The following GLI3 variants were observed in gnomAD, a reference collection of about 807,000 sequenced individuals.
The protein encoded by GLI3 is GLI family zinc finger 3.
GLI3 carries 20 observed loss-of-function variants against 100.8 expected under a neutral mutation model. The ratio of observed to expected loss-of-function variants is 0.20; its 90% CI spans 0.14 to 0.29. The LOEUF is 0.29. Among genes scored for constraint, GLI3 ranks in the 10% least tolerant of loss-of-function variants. The pLI, the probability that GLI3 is intolerant of heterozygous loss-of-function variation, is 1.00. For missense variants in GLI3, 2,040 were observed against 2,128.5 expected, an observed-to-expected ratio of 0.96 and a Z score of 0.82; for synonymous variants, 938 against 860.5, an observed-to-expected ratio of 1.09 and a Z score of -1.58.
rs370794111 is a variant in GLI3 at position 42,026,282 on chromosome 7, A to G, written c.1159T>C (p.Phe387Leu). The G allele has an allele frequency of 8.7e-6, 14 of 1,613,928 alleles. No homozygotes were observed. Among genetic ancestry groups the G allele is most frequent in the Non-Finnish European group, 1.2e-5 (14 of 1,179,992 alleles). Residue 387 changes from phenylalanine to leucine, a missense_variant, in exon 8 of 15, where the codon TTT (phenylalanine) becomes CTT (leucine). Phe to Leu is a conservative substitution (Grantham distance 22). Coordinates refer to ENST00000395925, the MANE Select transcript of GLI3 (RefSeq NM_000168.6). ...CCTGGAATAGGCCTCTGTGTTGGAA[A>G]AGTTGGGGCAGGGTGGATGAGTGGA... is the stretch of plus-strand genomic sequence containing the variant. The part of the protein sequence containing the change: ...SPPLIHPAPT[F>L]PTQRPIPGIP...
intron 3 of GLI3, among the ~76,000 whole-genome samples, chr7:42,093,441 C>T (rs1326117044): frequency 1.3e-5 from 2 of 151,470 alleles, no homozygotes; most frequent in African/African-American, 4.9e-5. Context: ...ATACTCACCA[C>T]CACTGTCCCC....
chr7:41,966,279 T>C lies in GLI3; in HGVS notation c.2794A>G (p.Lys932Glu). The C allele has an allele frequency of 6.2e-7, 1 of 1,608,204 alleles. No individual in the cohort carries two copies. Among genetic ancestry groups the C allele is most frequent in the Non-Finnish European group, 8.5e-7 (1 of 1,179,220 alleles). The change falls in exon 15 of 15, where the codon AAG (lysine) becomes GAG (glutamate). Residue 932 changes from lysine (K) to glutamate (E), a missense_variant. Coordinates refer to ENST00000395925, the MANE Select transcript of GLI3 (RefSeq NM_000168.6). The surrounding 1 kb of genome is among the most constrained non-coding windows in gnomAD (Gnocchi z 5.8). The part of the protein sequence containing the change: ...TPAQQYRLKA[K>E]YAAATGGPPP... ...GGCCCTCCTGTGGCAGCCGCGTACT[T>C]GGCCTTGAGGCGGTACTGCTGGGCG...
intron 2 of GLI3, among the ~76,000 whole-genome samples, chr7:42,185,297 T>C (rs1252366907): frequency 6.6e-6 from 1 of 152,186 alleles, no homozygotes; most frequent in African/African-American, 2.4e-5. Context: ...TTCTCCCAAC[T>C]CATGGGAAGA....
chr7:42,222,992 C>T (rs1788515327), intron 2 of GLI3, 138 bp downstream of exon 2: 2 of 1,032,460 alleles, frequency 1.9e-6, no homozygotes, highest in Non-Finnish European at 3.0e-6. Flanking sequence ...CGCCGTCCCC[C>T]CGCCCCTGCT....
intron 2 of GLI3, among the ~76,000 whole-genome samples, chr7:42,211,356 G>A (rs1788270956): frequency 6.6e-6 from 1 of 152,150 alleles, no homozygotes; most frequent in Admixed American, 6.5e-5. Flanking sequence ...AGGAACTGCT[G>A]TCAACGTTTA....
chr7:42,186,340 G>A (rs781373549), intron 2 of GLI3, among the ~76,000 whole-genome samples: 22 of 152,222 alleles, frequency 1.4e-4, no homozygotes, highest in South Asian at 2.1e-4. Flanking sequence ...CACCCTCTCC[G>A]CCTTGGTTAG....
intron 3 of GLI3, among the ~76,000 whole-genome samples, chr7:42,135,060 G>A (rs748522684): frequency 3.9e-5 from 6 of 152,112 alleles, no homozygotes; most frequent in East Asian, 1.9e-4. Context: ...TGAAATCACC[G>A]TCACCAGATC....
chr7:42,116,811 T>C (rs1212756362), intron 3 of GLI3, among the ~76,000 whole-genome samples: 2 of 151,734 alleles, frequency 1.3e-5, no homozygotes, highest in East Asian at 3.9e-4. Context: ...TAACACGCCA[T>C]AATTTAATAA....
intron 1 of GLI3, among the ~76,000 whole-genome samples, chr7:42,260,974 T>C (rs950495975): frequency 6.6e-6 from 1 of 152,174 alleles, no homozygotes; most frequent in Admixed American, 6.5e-5. Context: ...TAGAGCATAC[T>C]CTCTGTGTTA....
At position 42,045,508 on chromosome 7, in the gene GLI3, T is replaced by C. The variant is rs1235895273; in HGVS notation, c.702A>G (p.Pro234=). 2 of 1,614,122 alleles carry C rather than the reference T, an allele frequency of 1.2e-6. No homozygotes were observed. The highest frequency in any genetic ancestry group is 1.1e-5 in the South Asian group (1 of 91,084). The change falls in exon 6 of 15, where the codon CCA becomes CCG. Residue 234 remains proline (P), a synonymous_variant. Transcript: ENST00000395925. The part of the protein sequence containing the change: ...PTDAPHAGVS[P]AEYYHQMALL... Reference sequence around the variant, plus strand: ...GGGCCATCTGATGATAGTATTCTGCTGGGCTGACTCCTGCATGGGGCGCTA... The same window carrying C: ...GGGCCATCTGATGATAGTATTCTGCCGGGCTGACTCCTGCATGGGGCGCTA...
intron 3 of GLI3, among the ~76,000 whole-genome samples, chr7:42,109,124 T>C (rs1785643924): frequency 6.6e-6 from 1 of 152,232 alleles, no homozygotes; most frequent in Non-Finnish European, 1.5e-5. Flanking sequence ...TTCTATGCGA[T>C]AGCTCTTTAA....
At chr7:42,088,596 T>C (rs1421211706) in intron 3 of GLI3, among the ~76,000 whole-genome samples, 1 of 152,216 alleles carries the variant, frequency 6.6e-6, no homozygotes, top group Non-Finnish European at 1.5e-5. Flanking sequence ...AAGCCCACCA[T>C]GCCCATAAAA....
At chr7:42,023,082 C>T (rs978772114) in intron 10 of GLI3, among the ~76,000 whole-genome samples, 1 of 152,174 alleles carries the variant, frequency 6.6e-6, no homozygotes, top group Non-Finnish European at 1.5e-5. Context: ...AAAGAAATCC[C>T]TCATCTCCAC....
intron 1 of GLI3, among the ~76,000 whole-genome samples, chr7:42,260,169 A>T (rs1201272941): frequency 6.6e-6 from 1 of 152,248 alleles, no homozygotes; most frequent in African/African-American, 2.4e-5. Flanking sequence ...TCTCTAGAGC[A>T]TATGATAATT....
intron 4 of GLI3, among the ~76,000 whole-genome samples, chr7:42,068,279 A>G (rs927853275): frequency 3.9e-5 from 6 of 152,246 alleles, no homozygotes; most frequent in Non-Finnish European, 5.9e-5. Flanking sequence ...AAGCCGTTTA[A>G]CTTGTTAATT....
At chr7:42,175,279 G>T (rs1454253276) in intron 2 of GLI3, among the ~76,000 whole-genome samples, 1 of 152,204 alleles carries the variant, frequency 6.6e-6, no homozygotes, top group Non-Finnish European at 1.5e-5. Context: ...AGTTGTATAA[G>T]CTGAGGAAAC....
chr7:42,033,276 C>T (rs1583495170), intron 7 of GLI3, among the ~76,000 whole-genome samples: 1 of 152,152 alleles, frequency 6.6e-6, no homozygotes, highest in East Asian at 1.9e-4. Flanking sequence ...ACTCTGTCTA[C>T]CCGCCACCTA....
At position 41,965,067 on chromosome 7, in the gene GLI3, C is replaced by T. The variant is rs116840739; in HGVS notation, c.4006G>A (p.Gly1336Arg). 1 of 1,613,876 alleles carries T rather than the reference C, an allele frequency of 6.2e-7. No individual in the cohort carries two copies. The highest frequency in any genetic ancestry group is 2.2e-5 in the East Asian group (1 of 44,876). ...ATCTGCTGACCGGGGCGGCCTGCCC[C>T]CGGGTGCTGCATGCTGTCGCCGAGG... The part of the protein sequence containing the change: ...QLLGDSMQHP[G>R]AGRPGQQMLG... Residue 1336 changes from glycine to arginine, a missense_variant, in exon 15 of 15, where the codon GGG (glycine) becomes AGG (arginine). Around this residue, in one of 5 missense-constraint regions of GLI3, gnomAD observed 1,041 missense variants for 924.0 expected, o/e 1.13. Transcript: ENST00000395925.
chr7:42,139,529 A>G (rs927580336), intron 3 of GLI3, among the ~76,000 whole-genome samples: 3 of 152,112 alleles, frequency 2.0e-5, no homozygotes, highest in Non-Finnish European at 4.4e-5. Flanking sequence ...AAAATACAAA[A>G]TTAGCGTGGC....
Sources: gnomAD v4.1 joint callset for allele counts (sites outside exome capture counted in the v4.1 genomes callset) on GRCh38, gnomAD v4.1.1 for gene constraint, gnomAD v4.1.1 regional missense constraint, Gnocchi (gnomAD v3.1) non-coding constraint, MANE v1.5 for transcripts, NCBI Gene and HGNC (gene_info 2026-07-23, HGNC 2026-07-21) for gene names.